The following INPP4B variants were observed in gnomAD, a reference collection of about 807,000 sequenced individuals.
The protein encoded by INPP4B is inositol polyphosphate-4-phosphatase type II B.
INPP4B carries 55 observed loss-of-function variants against 122.5 expected under a neutral mutation model. The ratio of observed to expected loss-of-function variants is 0.45; its 90% CI spans 0.36 to 0.56. The LOEUF is 0.56. INPP4B is among the 20% of genes least tolerant of loss of function. The pLI is 0.00. For synonymous variants in INPP4B, 403 were observed against 388.7 expected (o/e 1.04, Z -0.43); for missense variants, 1,000 against 1,097.7 (o/e 0.91, Z 1.26).
chr4:142,519,140 A>G (rs1403409339), intron 2 of INPP4B, among the ~76,000 whole-genome samples: 1 of 152,154 alleles, frequency 6.6e-6, no homozygotes, highest in Non-Finnish European at 1.5e-5. Context: ...TCCTCCGTAT[A>G]GGAGCACAGG....
chr4:142,749,545 G>A (rs1018956929), intron 1 of INPP4B, among the ~76,000 whole-genome samples: 2 of 151,180 alleles, frequency 1.3e-5, no homozygotes, highest in East Asian at 1.9e-4. Context: ...TAAGACTAAA[G>A]GCAGTACTGG....
chr4:142,758,624 A>G (rs1025373006), intron 1 of INPP4B, among the ~76,000 whole-genome samples: 1 of 152,116 alleles, frequency 6.6e-6, no homozygotes, highest in Non-Finnish European at 1.5e-5. Context: ...TCACATAGAG[A>G]TCACAGAAAC....
At chr4:142,742,349 A>T (rs1025023384) in intron 1 of INPP4B, among the ~76,000 whole-genome samples, 1 of 151,940 alleles carries the variant, frequency 6.6e-6, no homozygotes, top group African/African-American at 2.4e-5. Context: ...TGCATTTTTA[A>T]CTTGCAATTT....
chr4:142,237,848 A>C lies in INPP4B; in HGVS notation c.836+16T>G, dbSNP rs1857341857. 2.8e-6 allele frequency: 4 copies of C among 1,438,652 alleles called. No individual in the cohort carries two copies. The highest frequency in any genetic ancestry group is 1.3e-5 in the South Asian group (1 of 74,510). 89.1% of individuals were successfully genotyped at this position (1,438,652 alleles called of 1,614,324 possible). On this transcript the variant is annotated intron_variant, in intron 12 of 25. Coordinates refer to ENST00000262992, the MANE Select transcript of INPP4B (RefSeq NM_001101669.3). ...TAAAATAATTAATATGAGAGAAAAT[A>C]GTTATTTTCTCTTACCTGCACAAAT...
Position 142,624,044 on chromosome 4 carries a change from T to C in INPP4B, c.-191+101795A>G, listed in dbSNP as rs191220069. 3.3e-5 allele frequency among the ~76,000 whole-genome samples: 5 copies of C among 152,128 alleles called. No individual in the cohort carries two copies. In the East Asian group the frequency reaches 5.8e-4, roughly 18 times the overall value. ...CAATAAACATACGTGTGCATGTGTC[T>C]TTAAAGCAGCATGATTTATAGTCCT... On this transcript the variant is annotated intron_variant, in intron 2 of 25. Coordinates refer to ENST00000262992, the MANE Select transcript of INPP4B (RefSeq NM_001101669.3).
intron 11 of INPP4B, among the ~76,000 whole-genome samples, chr4:142,242,265 T>C (rs942788101): frequency 6.6e-6 from 1 of 152,134 alleles, no homozygotes; most frequent in East Asian, 1.9e-4. Flanking sequence ...ATCCTTAGCA[T>C]GGCTTCAGAA....
chr4:142,464,008 A>G (rs1438775380), intron 2 of INPP4B, among the ~76,000 whole-genome samples: 2 of 152,176 alleles, frequency 1.3e-5, no homozygotes, highest in Non-Finnish European at 2.9e-5. Context: ...CAACCACCCT[A>G]TAAGGGAGGT....
intron 9 of INPP4B, among the ~76,000 whole-genome samples, chr4:142,283,148 T>C (rs1751966180): frequency 6.6e-6 from 1 of 152,028 alleles, no homozygotes; most frequent in Admixed American, 6.6e-5. Context: ...GCTAATAAGA[T>C]ACTGTGACTG....
intron 2 of INPP4B, among the ~76,000 whole-genome samples, chr4:142,674,073 T>G (rs532738840): frequency 2.3e-3 from 351 of 152,264 alleles, no homozygotes; most frequent in African/African-American, 7.8e-3. Flanking sequence ...ATTAAGCCCT[T>G]TCCCTTCTCT....
chr4:142,408,949 A>G (rs866262555), intron 5 of INPP4B, among the ~76,000 whole-genome samples: 5 of 152,322 alleles, frequency 3.3e-5, no homozygotes, highest in Middle Eastern at 3.4e-3. Flanking sequence ...GGGAAAAATA[A>G]TAATACAGAA....
At chr4:142,135,671 A>T (rs79000757) in intron 18 of INPP4B, among the ~76,000 whole-genome samples, 8,304 of 152,258 alleles carry the variant, frequency 0.055, 358 homozygotes, top group Non-Finnish European at 0.079. Context: ...AAATGACAGA[A>T]TCCAGTAAAA....
intron 2 of INPP4B, among the ~76,000 whole-genome samples, chr4:142,519,749 A>C (rs1825849238): frequency 6.6e-6 from 1 of 152,130 alleles, no homozygotes; most frequent in Non-Finnish European, 1.5e-5. Context: ...CCTTTGTCTT[A>C]CATAAAATTA....
intron 1 of INPP4B, among the ~76,000 whole-genome samples, chr4:142,773,372 G>A (rs10049507): frequency 0.029 from 4,412 of 152,212 alleles, 71 homozygotes; most frequent in South Asian, 0.05. Flanking sequence ...ATAAATGACA[G>A]ATTTTCTACT....
intron 1 of INPP4B, among the ~76,000 whole-genome samples, chr4:142,821,050 C>T (rs1472610907): frequency 1.3e-5 from 2 of 152,082 alleles, no homozygotes; most frequent in African/African-American, 2.4e-5. Context: ...TTATCTGTCT[C>T]CTGCATTTTA....
At chr4:142,390,368 G>A (rs1447472671) in intron 7 of INPP4B, among the ~76,000 whole-genome samples, 2 of 152,088 alleles carry the variant, frequency 1.3e-5, no homozygotes, top group Non-Finnish European at 2.9e-5. Context: ...AATGAGTAAA[G>A]GTTTTGGCCT....
chr4:142,234,123 C>T (rs925085043), intron 12 of INPP4B, among the ~76,000 whole-genome samples: 1 of 152,044 alleles, frequency 6.6e-6, no homozygotes, highest in Admixed American at 6.6e-5. Context: ...CTTTTTAATG[C>T]TTTTTATCAA....
intron 1 of INPP4B, among the ~76,000 whole-genome samples, chr4:142,787,042 A>G (rs1775859047): frequency 6.6e-6 from 1 of 152,154 alleles, no homozygotes; most frequent in Non-Finnish European, 1.5e-5. Flanking sequence ...TTGGTTAATT[A>G]TATCAAATGT....
At chr4:142,287,088 A>G (rs1001267674) in intron 9 of INPP4B, 2 of 152,190 alleles carry the variant, frequency 1.3e-5, no homozygotes, top group Non-Finnish European at 2.9e-5. Flanking sequence ...CTATGTCTAG[A>G]GTTACAATTT....
intron 2 of INPP4B, among the ~76,000 whole-genome samples, chr4:142,551,696 A>G (rs879316247): frequency 4.6e-5 from 7 of 152,204 alleles, no homozygotes; most frequent in African/African-American, 7.2e-5. Flanking sequence ...GCAGGATGCT[A>G]GACTGGCAAA....
Sources: allele counts gnomAD v4.1 joint callset (sites outside exome capture counted in the v4.1 genomes callset), GRCh38; gene constraint gnomAD v4.1.1; transcripts MANE v1.5; gene names NCBI Gene and HGNC (gene_info 2026-07-23, HGNC 2026-07-21).